ADGRE2: variants seen among roughly 807,000 people sequenced by gnomAD.
The protein encoded by ADGRE2 is adhesion G protein-coupled receptor E2, also known as CD97 antigen.
In ADGRE2, 83 loss-of-function variants were observed where a neutral mutation model predicts 100.8. The ratio of observed to expected loss-of-function variants is 0.82; its 90% confidence interval spans 0.69 to 0.99. ADGRE2 has a LOEUF of 0.99. ADGRE2 is among the 50% of genes least tolerant of loss of function. ADGRE2 has a pLI of 0.00. For synonymous variants in ADGRE2, 355 were observed against 413.0 expected (o/e 0.86, Z 1.70); for missense variants, 814 against 1,035.7 (o/e 0.79, Z 2.94).
chr19:14,752,925 C>A (rs949304833), intron 14 of ADGRE2, among the ~76,000 whole-genome samples: 2 of 152,026 alleles, frequency 1.3e-5, no homozygotes, highest in African/African-American at 4.8e-5. Context: ...GCACGTGCCT[C>A]CATGCCAGGC....
chr19:14,777,656 C>G (rs2044487130), intron 1 of ADGRE2, among the ~76,000 whole-genome samples: 1 of 150,884 alleles, frequency 6.6e-6, no homozygotes, highest in South Asian at 2.1e-4. Flanking sequence ...GCCCCCACCC[C>G]CCGACAGGCC....
rs1488014989 is a variant in ADGRE2 at position 14,776,808 on chromosome 19, A to G, written c.-52T>C. The G allele has an allele frequency of 3.1e-6, 5 of 1,609,518 alleles. No individual in the cohort carries two copies. The highest frequency in any genetic ancestry group is 4.2e-6 in the Non-Finnish European group (5 of 1,178,158). On this transcript the variant is annotated 5_prime_UTR_variant, in exon 2 of 21. Transcript: ENST00000315576. ...CAGCAGGGGAAAGAGTGAGTGGGAC[A>G]GGGCTGTCCCGTCTCCGCAGGCTGG...
intron 1 of ADGRE2, 119 bp downstream of exon 1, chr19:14,778,138 A>C (rs1468151692): frequency 6.6e-6 from 1 of 152,192 alleles, no homozygotes; most frequent in Non-Finnish European, 1.5e-5. Context: ...CTATTTCTCC[A>C]CACCTGTGAT....
chr19:14,778,401 C>T lies in ADGRE2; in HGVS notation c.-316G>A, dbSNP rs1282806520. 1.2e-5 allele frequency: 8 copies of T among 649,976 alleles called. No homozygotes were observed. The highest frequency in any genetic ancestry group is 7.5e-4 in the Middle Eastern group (1 of 1,336). The allele number at this position is 649,976 out of a possible 1,614,324, so 40.3% of individuals were successfully genotyped here. On this transcript the variant is annotated 5_prime_UTR_variant, in exon 1 of 21. Transcript: ENST00000315576. Reference sequence around the variant, plus strand: ...TCCAGCTTGGGTGATAGAGTGAGACCCTGTGTCAAAAACAAAAAGAAAGAA... The same window carrying T: ...TCCAGCTTGGGTGATAGAGTGAGACTCTGTGTCAAAAACAAAAAGAAAGAA...
chr19:14,758,956 C>T (rs890309633), intron 11 of ADGRE2, among the ~76,000 whole-genome samples: 1 of 151,396 alleles, frequency 6.6e-6, no homozygotes, highest in Non-Finnish European at 1.5e-5. Flanking sequence ...GTGGGTCTTC[C>T]GGTTGCGTGG....
At chr19:14,760,060 C>T (rs2043661337) in intron 11 of ADGRE2, among the ~76,000 whole-genome samples, 2 of 151,774 alleles carry the variant, frequency 1.3e-5, no homozygotes, top group Admixed American at 1.3e-4. Flanking sequence ...CCTCGTGATC[C>T]TCCCACCTCG....
rs555629952 is a variant in ADGRE2, at chr19:14,767,519, A to G, written c.356-410T>C. ...CTCCCAAAGTGCTGGGATTGCAGGC[A>G]TGAGCCACCATGCCTGGCCATCTCC... On this transcript the variant is annotated intron_variant, in intron 5 of 20. Coordinates refer to ENST00000315576, the MANE Select transcript of ADGRE2 (RefSeq NM_013447.4). 1.6e-4 allele frequency among the ~76,000 whole-genome samples: 24 copies of G among 152,186 alleles called. No individual in the cohort carries two copies. The East Asian group carries it at 3.7e-3, about 23-fold the overall frequency.
intron 5 of ADGRE2, 133 bp from the exon 6 acceptor site, chr19:14,767,242 C>CTT (rs55841640): frequency 3.2e-4 from 373 of 1,181,024 alleles, no homozygotes; most frequent in South Asian, 6.8e-4. Flanking sequence ...TTCTTTCTTT[C>CTT]TTTTTTTTTT....
At chr19:14,771,739 C>T (rs957403590) in intron 5 of ADGRE2, 1 of 152,228 alleles carries the variant, frequency 6.6e-6, no homozygotes, top group Admixed American at 6.6e-5. Flanking sequence ...CTCCCTGGTT[C>T]AAGTGATTCT....
rs60321111 is a variant in ADGRE2, at chr19:14,759,505, T to TA, written c.1085-3161_1085-3160insT. 5.0e-3 allele frequency among the ~76,000 whole-genome samples: 306 copies of TA among 61,404 alleles called. 2 individuals are homozygous for TA. The highest frequency in any genetic ancestry group is 0.017 in the South Asian group (22 of 1,318). The allele number at this position is 61,404 out of a possible 152,430, so 40.3% of individuals were successfully genotyped here. ...AAGTTATACATATATATATATATATTTTTTTTTTTTAGACGGAGTCTCACT... is the reference window on the plus strand; with the variant it reads ...AAGTTATACATATATATATATATATTATTTTTTTTTTAGACGGAGTCTCACT... On this transcript the variant is annotated intron_variant, in intron 11 of 20. Coordinates refer to ENST00000315576, the MANE Select transcript of ADGRE2 (RefSeq NM_013447.4).
In ADGRE2 at chr19:14,774,138, C is replaced by T. The variant is rs1274496606; in HGVS notation, c.83-84G>A. The T allele has an allele frequency of 3.3e-5, 50 of 1,520,038 alleles. 2 individuals carry two copies. Among genetic ancestry groups the T allele is most frequent in the Admixed American group, 1.0e-4 (6 of 59,182 alleles). The allele number at this position is 1,520,038 out of a possible 1,614,324, so 94.2% of individuals were successfully genotyped here. A position where few individuals can be genotyped will look rare whatever the true frequency, so the allele number is the denominator to read the frequency against. On this transcript the variant is annotated intron_variant, in intron 3 of 20. Transcript: ENST00000315576. ...GCACTGGGGGAGATGGGGCAGAGCGCTGAGTTTCCCGTGCACGAGCCCTCT... is the reference window on the plus strand; with the variant it reads ...GCACTGGGGGAGATGGGGCAGAGCGTTGAGTTTCCCGTGCACGAGCCCTCT...
chr19:14,741,944 A>AT, intron 20 of ADGRE2: 1 of 398,542 alleles, frequency 2.5e-6, no homozygotes, highest in Non-Finnish European at 4.4e-6. Flanking sequence ...GTTATTAGTC[A>AT]TCAATGTCAT....
At chr19:14,772,555 A>T in intron 4 of ADGRE2, 58 bp from the exon 5 acceptor site, 1 of 1,593,298 alleles carries the variant, frequency 6.3e-7, no homozygotes, top group East Asian at 2.3e-5. Context: ...GTCAGGGCAG[A>T]GACCCCCGTC....
intron 11 of ADGRE2, among the ~76,000 whole-genome samples, chr19:14,757,093 A>G (rs1792258704): frequency 6.6e-6 from 1 of 151,972 alleles, no homozygotes; most frequent in Non-Finnish European, 1.5e-5. Context: ...TGTGGAGATC[A>G]TGTTTCAGTA....
chr19:14,770,680 T>TTTC (rs1568623264), intron 5 of ADGRE2, among the ~76,000 whole-genome samples: 3,073 of 27,622 alleles, frequency 0.11, 175 homozygotes, highest in East Asian at 0.19. Context: ...TTTTTTTTTT[T>TTTC]TTTTTTTTTT....
chr19:14,742,945 T>G (rs1180232863), intron 20 of ADGRE2, among the ~76,000 whole-genome samples: 1 of 150,928 alleles, frequency 6.6e-6, no homozygotes, highest in Non-Finnish European at 1.5e-5. Flanking sequence ...TTTTTTTTAA[T>G]TTTTGGGATA....
chr19:14,736,679 G>GAAATATATAGATATTTCT (rs2042754156), intron 20 of ADGRE2, among the ~76,000 whole-genome samples: 21 of 138,834 alleles, frequency 1.5e-4, no homozygotes, highest in African/African-American at 5.5e-4. Flanking sequence ...TATATATTTA[G>GAAATATATAGATATTTCT]AAATATATAG....
At chr19:14,756,392 G>A in intron 11 of ADGRE2, 47 bp from the exon 12 acceptor site, 1 of 1,291,840 alleles carries the variant, frequency 7.7e-7, no homozygotes, top group East Asian at 2.3e-5. Flanking sequence ...TAGGAATCGT[G>A]CCTGCAGTGG....
At chr19:14,774,689 T>TCTTTCTTCCTTTCTTTCTTTCTTTC (rs1445675498) in intron 2 of ADGRE2, among the ~76,000 whole-genome samples, 1 of 135,342 alleles carries the variant, frequency 7.4e-6, no homozygotes, top group South Asian at 2.3e-4. Flanking sequence ...TTTCTTTCTT[T>TCTTTCTTCCTTTCTTTCTTTCTTTC]TTGAGACAGG....
Sources: gnomAD v4.1 joint callset for allele counts (sites outside exome capture counted in the v4.1 genomes callset) on GRCh38, gnomAD v4.1.1 for gene constraint, MANE v1.5 for transcripts, NCBI Gene and HGNC (gene_info 2026-07-23, HGNC 2026-07-21) for gene names.